DNAJC1: variants seen among roughly 807,000 people sequenced by gnomAD.
DNAJC1 encodes DnaJ heat shock protein family (Hsp40) member C1.
A neutral mutation model predicts 76.6 loss-of-function variants in DNAJC1; 58 were observed. The ratio of observed to expected loss-of-function variants is 0.76; its 90% CI spans 0.61 to 0.94. The LOEUF is 0.94. DNAJC1 is among the 40% of genes least tolerant of loss of function. The pLI, the probability that DNAJC1 is intolerant of heterozygous loss-of-function variation, is 0.00. For synonymous variants in DNAJC1, 258 were observed against 267.9 expected (o/e 0.96, Z 0.36); for missense variants, 689 against 677.3 (o/e 1.02, Z -0.19).
chr10:21,788,341 T>C (rs970481854), intron 9 of DNAJC1, among the ~76,000 whole-genome samples: 3 of 152,244 alleles, frequency 2.0e-5, no homozygotes, highest in Non-Finnish European at 2.9e-5. Flanking sequence ...TAGCAGCACA[T>C]TGCCCCCTGG....
intron 1 of DNAJC1, among the ~76,000 whole-genome samples, chr10:21,988,742 GTCT>G (rs1331102641): frequency 1.3e-5 from 2 of 152,126 alleles, no homozygotes; most frequent in African/African-American, 4.8e-5. Context: ...ACCCCAGAAA[GTCT>G]TCTTCAGAGG....
intron 1 of DNAJC1, among the ~76,000 whole-genome samples, chr10:21,974,493 G>A (rs1373856370): frequency 6.6e-6 from 1 of 152,240 alleles, no homozygotes; most frequent in East Asian, 1.9e-4. Context: ...AATTTATTTT[G>A]TATCACACCA....
At chr10:21,927,109 C>A (rs1837140612) in intron 3 of DNAJC1, among the ~76,000 whole-genome samples, 1 of 152,082 alleles carries the variant, frequency 6.6e-6, no homozygotes, top group African/African-American at 2.4e-5. Context: ...CACAGAATGA[C>A]CAAAACTTCT....
chr10:21,865,290 T>C (rs535992730), intron 8 of DNAJC1: 10 of 152,238 alleles, frequency 6.6e-5, no homozygotes, highest in African/African-American at 2.4e-4. Flanking sequence ...AGCAGATTTA[T>C]TAATGATGGT....
chr10:21,949,152 G>A lies in DNAJC1; in HGVS notation c.223-20011C>T, dbSNP rs187925447. Among the ~76,000 whole-genome samples the A allele has an allele frequency of 1.4e-3, 217 of 152,230 alleles. 2 individuals are homozygous for A. The highest frequency in any genetic ancestry group is 5.1e-3 in the African/African-American group (213 of 41,548). On this transcript the variant is annotated intron_variant, in intron 1 of 11. Transcript: ENST00000376980. ...AAAGTAAGATTCCAGGAAAGGAAATGAAATAACTGTACCTAACCAGTTTTA... is the reference window on the plus strand; with the variant it reads ...AAAGTAAGATTCCAGGAAAGGAAATAAAATAACTGTACCTAACCAGTTTTA...
At chr10:21,906,944 G>C (rs1411244406) in intron 6 of DNAJC1, among the ~76,000 whole-genome samples, 1 of 152,032 alleles carries the variant, frequency 6.6e-6, no homozygotes, top group African/African-American at 2.4e-5. Context: ...GATGAGTTTT[G>C]TGCTTCATAC....
intron 7 of DNAJC1, among the ~76,000 whole-genome samples, chr10:21,899,023 C>T (rs997950793): frequency 2.0e-5 from 3 of 152,026 alleles, no homozygotes; most frequent in Non-Finnish European, 4.4e-5. Flanking sequence ...TGATGGCCCC[C>T]CAGAGAGTGG....
chr10:21,768,213 T>C (rs1834324457), intron 9 of DNAJC1, among the ~76,000 whole-genome samples: 1 of 152,244 alleles, frequency 6.6e-6, no homozygotes, highest in Non-Finnish European at 1.5e-5. Flanking sequence ...AAAATATGAA[T>C]TTCATTAAAG....
intron 10 of DNAJC1, among the ~76,000 whole-genome samples, chr10:21,761,833 C>T (rs1834244572): frequency 6.6e-6 from 1 of 152,190 alleles, no homozygotes; most frequent in South Asian, 2.1e-4. Context: ...TAACAAGTGG[C>T]ATTTCATAAT....
At chr10:21,836,546 A>G (rs956786434) in intron 8 of DNAJC1, among the ~76,000 whole-genome samples, 4 of 152,216 alleles carry the variant, frequency 2.6e-5, no homozygotes, top group Admixed American at 1.3e-4. Context: ...TTGGATAAAG[A>G]GTCAAGACCC....
chr10:21,987,027 C>T (rs1838259202), intron 1 of DNAJC1, among the ~76,000 whole-genome samples: 1 of 152,174 alleles, frequency 6.6e-6, no homozygotes, highest in South Asian at 2.1e-4. Context: ...CTTGGCCACC[C>T]AAAGTGCTGG....
chr10:21,900,141 G>A (rs145688401), intron 7 of DNAJC1, among the ~76,000 whole-genome samples: 28 of 152,092 alleles, frequency 1.8e-4, no homozygotes, highest in African/African-American at 6.3e-4. Flanking sequence ...TCAGGAGTTC[G>A]AGACCAGTCT....
chr10:21,833,021 T>C (rs1274067902), intron 8 of DNAJC1, among the ~76,000 whole-genome samples: 1 of 152,216 alleles, frequency 6.6e-6, no homozygotes, highest in Non-Finnish European at 1.5e-5. Context: ...TCTAAATCTT[T>C]CATAAAAATT....
intron 8 of DNAJC1, among the ~76,000 whole-genome samples, chr10:21,827,523 G>T (rs539859169): frequency 6.6e-6 from 1 of 152,184 alleles, no homozygotes; most frequent in Non-Finnish European, 1.5e-5. Context: ...CCTTTTGGAG[G>T]CTCTGAGGGA....
At chr10:21,767,490 G>C (rs1400885230) in intron 9 of DNAJC1, among the ~76,000 whole-genome samples, 1 of 152,096 alleles carries the variant, frequency 6.6e-6, no homozygotes, top group Non-Finnish European at 1.5e-5. Context: ...GTCTTGCTAT[G>C]TGGCCCAGAA....
chr10:21,978,441 G>C (rs987856117), intron 1 of DNAJC1, among the ~76,000 whole-genome samples: 10 of 152,238 alleles, frequency 6.6e-5, no homozygotes, highest in South Asian at 2.1e-4. Flanking sequence ...TAGTAAGACA[G>C]GGGTCAGCAA....
chr10:21,996,463 C>T (rs1196630390), intron 1 of DNAJC1, among the ~76,000 whole-genome samples: 4 of 152,204 alleles, frequency 2.6e-5, no homozygotes, highest in African/African-American at 9.6e-5. Flanking sequence ...TTATTCTCAA[C>T]ATTGAACAAA....
intron 1 of DNAJC1, among the ~76,000 whole-genome samples, chr10:21,979,784 A>T (rs533242460): frequency 4.6e-5 from 7 of 151,580 alleles, no homozygotes; most frequent in African/African-American, 1.7e-4. Flanking sequence ...TAAAACGATT[A>T]TCAAGCTTCT....
intron 9 of DNAJC1, among the ~76,000 whole-genome samples, chr10:21,795,833 C>T (rs1242880010): frequency 6.6e-6 from 1 of 152,062 alleles, no homozygotes; most frequent in African/African-American, 2.4e-5. Flanking sequence ...CTATTTTTTG[C>T]TTCTGTGAAT....
Sources: gnomAD v4.1 joint callset for allele counts (sites outside exome capture counted in the v4.1 genomes callset) on GRCh38, gnomAD v4.1.1 for gene constraint, MANE v1.5 for transcripts, NCBI Gene and HGNC (gene_info 2026-07-23, HGNC 2026-07-21) for gene names.